VCP: variants seen among roughly 807,000 people sequenced by gnomAD.
VCP encodes valosin containing protein.
A neutral mutation model predicts 85.7 loss-of-function variants in VCP; 6 were observed. The ratio of observed to expected loss-of-function variants is 0.07; its 90% CI spans 0.04 to 0.14. The LOEUF (loss-of-function observed/expected upper bound fraction) is 0.14. VCP is among the 10% of genes least tolerant of loss of function. The pLI is 1.00. For missense variants in VCP, 353 were observed against 1,043.4 expected (o/e 0.34, Z 9.12); for synonymous variants, 384 against 367.1 (o/e 1.05, Z -0.53).
At position 35,059,858 on chromosome 9, in the gene VCP, C is replaced by G. The variant is rs1039785470; in HGVS notation, c.1696-57G>C. ...ACAAAACTAGATGTCTCTAGGCAAACGTGGTGGCTCACACCTGTATTCCCA... is the reference window on the plus strand; with the variant it reads ...ACAAAACTAGATGTCTCTAGGCAAAGGTGGTGGCTCACACCTGTATTCCCA... On this transcript the variant is annotated intron_variant, in intron 13 of 16. Transcript: ENST00000358901. This position sits in a 1 kb window ranked among gnomAD's most constrained non-coding sequence, Gnocchi z 4.9. 6.2e-7 allele frequency: 1 copy of G among 1,610,056 alleles called. No homozygotes were observed. The highest frequency in any genetic ancestry group is 8.5e-7 in the Non-Finnish European group (1 of 1,177,160).
In VCP at chr9:35,062,375, A is replaced by G. The variant is rs370027274; in HGVS notation, c.812-25T>C. The G allele has an allele frequency of 1.2e-5, 19 of 1,613,946 alleles. No homozygotes were observed. The Admixed American group carries it at 1.5e-4, about 13-fold the overall frequency. On this transcript the variant is annotated intron_variant, in intron 7 of 16. Transcript: ENST00000358901. ...CCTGAAAGGATACAGAATGGAGACA[A>G]TAACAAAATGATAGTCTTTCCCAAT...
At chr9:35,057,790 A>G in intron 15 of VCP, 1 of 543,414 alleles carries the variant, frequency 1.8e-6, no homozygotes, top group Non-Finnish European at 3.3e-6. Flanking sequence ...TGAAGTGGCT[A>G]AGGAAACTTT....
chr9:35,061,025 T>C lies in VCP; in HGVS notation c.1349A>G (p.Asp450Gly). 1 of 1,614,100 alleles carries C rather than the reference T, an allele frequency of 6.2e-7. No homozygotes were observed. Among genetic ancestry groups the C allele is most frequent in the Non-Finnish European group, 8.5e-7 (1 of 1,180,028 alleles). Residue 450 changes from aspartate to glycine, a missense_variant, in exon 11 of 17, where the codon GAT becomes GGT. Asp to Gly is a moderately conservative substitution (Grantham distance 94). Coordinates refer to ENST00000358901, the MANE Select transcript of VCP (RefSeq NM_007126.5). Reference protein sequence around the residue: ...EVMNSLAVTMDDFRWALSQSN... With the variant: ...EVMNSLAVTMGDFRWALSQSN... Reference sequence around the variant, plus strand: ...GGGTGTGGTCCTTACCCGGAAGTCATCCATAGTAACTGCTAGAGAGTTCAT... The same window carrying C: ...GGGTGTGGTCCTTACCCGGAAGTCACCCATAGTAACTGCTAGAGAGTTCAT...
chr9:35,071,100 T>C (rs1053244194), intron 1 of VCP, among the ~76,000 whole-genome samples: 1 of 152,150 alleles, frequency 6.6e-6, no homozygotes, highest in Non-Finnish European at 1.5e-5. Context: ...ATTTTAGATT[T>C]TTACTTTTGA....
chr9:35,068,214 T>C (rs929210073), intron 2 of VCP, 37 bp downstream of exon 2: 12 of 1,608,356 alleles, frequency 7.5e-6, no homozygotes, highest in Non-Finnish European at 9.4e-6. Context: ...CTCAAGTAAG[T>C]GCAGTAAGGA....
intron 3 of VCP, among the ~76,000 whole-genome samples, chr9:35,067,438 G>T (rs924599585): frequency 2.0e-5 from 3 of 152,028 alleles, no homozygotes; most frequent in Non-Finnish European, 2.9e-5. Flanking sequence ...TCTCTCCCGG[G>T]TTAACTTAGG....
rs1442860386 is a variant in VCP, at chr9:35,072,599, G to C, written c.-246C>G. 1 of 479,604 alleles carries C rather than the reference G, an allele frequency of 2.1e-6. No homozygotes were observed. The highest frequency in any genetic ancestry group is 3.6e-6 in the Non-Finnish European group (1 of 275,546). 29.7% of individuals were successfully genotyped at this position (479,604 alleles called of 1,614,324 possible). A position where few individuals can be genotyped will look rare whatever the true frequency, so the allele number is the denominator to read the frequency against. ...CGGCAGCGGCAGCGACGACTCAAAC[G>C]ACGGTCGCAGACGCTTCGCTGAGAC... On this transcript the variant is annotated 5_prime_UTR_variant, in exon 1 of 17. Transcript: ENST00000358901.
chr9:35,072,434 G>T lies in VCP; in HGVS notation c.-81C>A. The T allele has an allele frequency of 7.1e-7, 1 of 1,408,934 alleles. No homozygotes were observed. The highest frequency in any genetic ancestry group is 1.5e-5 in the South Asian group (1 of 67,824). The allele number at this position is 1,408,934 out of a possible 1,614,324, so 87.3% of individuals were successfully genotyped here. A position where few individuals can be genotyped will look rare whatever the true frequency, so the allele number is the denominator to read the frequency against. On this transcript the variant is annotated 5_prime_UTR_variant, in exon 1 of 17. Transcript: ENST00000358901. Reference sequence around the variant, plus strand: ...CGGTGGCAAGCGACCGACTGGGCCGGGGCTCGGCTCTTCCAGGCGGTGGGC... The same window carrying T: ...CGGTGGCAAGCGACCGACTGGGCCGTGGCTCGGCTCTTCCAGGCGGTGGGC...
Position 35,057,408 on chromosome 9 carries a change from G to A in VCP, c.2283C>T (p.Thr761=), listed in dbSNP as rs758596783. The change falls in exon 16 of 17, where the codon ACC becomes ACT. Residue 761 remains threonine (T), a synonymous_variant. Coordinates refer to ENST00000358901, the MANE Select transcript of VCP (RefSeq NM_007126.5). ...DIRKYEMFAQ[T]LQQSRGFGSF... is the part of the protein sequence containing the mutation. ...TGCCAAAGCCCCGACTCTGCTGAAGGGTCTGGGCAAACATCTCATACTTCC... is the reference window on the plus strand; with the variant it reads ...TGCCAAAGCCCCGACTCTGCTGAAGAGTCTGGGCAAACATCTCATACTTCC... 4 of 1,614,262 alleles carry A rather than the reference G, an allele frequency of 2.5e-6. No homozygotes were observed. In the Admixed American group the frequency reaches 5.0e-5, roughly 20 times the overall value.
intron 1 of VCP, 61 bp downstream of exon 1, chr9:35,072,276 C>T (rs1828972107): frequency 2.7e-6 from 4 of 1,485,150 alleles, no homozygotes; most frequent in East Asian, 2.9e-5. Context: ...GCCGGGCCTA[C>T]CCTGCGCGGC....
At chr9:35,070,246 G>A (rs1335781247) in intron 1 of VCP, among the ~76,000 whole-genome samples, 2 of 152,114 alleles carry the variant, frequency 1.3e-5, no homozygotes, top group Admixed American at 1.3e-4. Context: ...TGAGTAGGCA[G>A]ACTCTTCCAA....
At position 35,067,786 on chromosome 9, in the gene VCP, G is replaced by A. The variant is rs1048691281; in HGVS notation, c.302+105C>T. 9 of 1,465,908 alleles carry A rather than the reference G, an allele frequency of 6.1e-6. No homozygotes were observed. In the East Asian group the frequency reaches 6.9e-5, roughly 11 times the overall value. 90.8% of individuals were successfully genotyped at this position (1,465,908 alleles called of 1,614,324 possible). ...CCATGACCAGGAGGCTTCCTGCATC[G>A]ACAGGTGCCAAGAACTTGGTCCTGC... On this transcript the variant is annotated intron_variant, in intron 3 of 16. Coordinates refer to ENST00000358901, the MANE Select transcript of VCP (RefSeq NM_007126.5).
chr9:35,057,061 A>C lies in VCP; in HGVS notation c.*56T>G, dbSNP rs1587116856. On this transcript the variant is annotated 3_prime_UTR_variant, in exon 17 of 17. Transcript: ENST00000358901. ...GTCCCTCTCCTGGGCAAGCGCCCCC[A>C]CCCCCAGGGAACAAGGTCCAGGCAG... 2.5e-6 allele frequency: 4 copies of C among 1,585,942 alleles called. No homozygotes were observed. The highest frequency in any genetic ancestry group is 3.5e-6 in the Non-Finnish European group (4 of 1,156,296).
In VCP at chr9:35,059,042, T is replaced by C. The variant is rs767850418; in HGVS notation, c.2160+22A>G. On this transcript the variant is annotated intron_variant, in intron 15 of 16. Transcript: ENST00000358901. This position sits in a 1 kb window ranked among gnomAD's most constrained non-coding sequence, Gnocchi z 4.9. ...CCTGGCTCTCCATGATTGGCACATC[T>C]GGGGAAAGGATGCAGACTCACCATG... 6.2e-7 allele frequency: 1 copy of C among 1,613,480 alleles called. No homozygotes were observed. The highest frequency in any genetic ancestry group is 8.5e-7 in the Non-Finnish European group (1 of 1,179,998).
At position 35,060,824 on chromosome 9, in the gene VCP, G is replaced by A. The variant is rs752765916; in HGVS notation, c.1459C>T (p.Arg487Cys). ...EDIGGLEDVK[R>C]ELQELVQYPV... ...ACCTGGACCAGCTCCTGTAGCTCAC[G>A]TTTGACATCCTCTAGGCCCCCGATG... is the stretch of plus-strand genomic sequence containing the variant. The change falls in exon 12 of 17, where the codon CGT (arginine) becomes TGT (cysteine). Residue 487 changes from arginine (R) to cysteine (C), a missense_variant. Coordinates refer to ENST00000358901, the MANE Select transcript of VCP (RefSeq NM_007126.5). 10 of 1,614,016 alleles carry A rather than the reference G, an allele frequency of 6.2e-6. No individual in the cohort carries two copies. Among genetic ancestry groups the A allele is most frequent in the Admixed American group, 5.0e-5 (3 of 59,998 alleles).
Position 35,059,454 on chromosome 9 carries a change from C to CG in VCP, c.2004+38_2004+39insC. On this transcript the variant is annotated intron_variant, in intron 14 of 16. Transcript: ENST00000358901. The surrounding 1 kb of genome is among the most constrained non-coding windows in gnomAD (Gnocchi z 4.9). ...AGAGCACTCCGTACCAGCCTGAGGA[C>CG]TCATGCAAGTCTCCCACAGCCCATG... The CG allele has an allele frequency of 1.2e-6, 2 of 1,611,492 alleles. No homozygotes were observed. The highest frequency in any genetic ancestry group is 1.7e-6 in the Non-Finnish European group (2 of 1,179,104).
intron 1 of VCP, among the ~76,000 whole-genome samples, chr9:35,071,411 A>G (rs2131045396): frequency 6.7e-6 from 1 of 149,194 alleles, no homozygotes; most frequent in Admixed American, 6.8e-5. Flanking sequence ...TGGGGTCAGA[A>G]AGCCCCAGAG....
Position 35,072,503 on chromosome 9 carries a change from T to A in VCP, c.-150A>T. ...CGCAAGCGGCTTCCCTCTCGCTTCCTCCCACCGGCAGCGAGGCGTCGGGCG... is the reference window on the plus strand; with the variant it reads ...CGCAAGCGGCTTCCCTCTCGCTTCCACCCACCGGCAGCGAGGCGTCGGGCG... On this transcript the variant is annotated 5_prime_UTR_variant, in exon 1 of 17. Transcript: ENST00000358901. 1.9e-6 allele frequency: 2 copies of A among 1,029,816 alleles called. No individual in the cohort carries two copies. Among genetic ancestry groups the A allele is most frequent in the Non-Finnish European group, 2.6e-6 (2 of 771,272 alleles). The allele number at this position is 1,029,816 out of a possible 1,614,324, so 63.8% of individuals were successfully genotyped here.
Position 35,072,561 on chromosome 9 carries a change from G to C in VCP, c.-208C>G. The C allele has an allele frequency of 1.8e-6, 1 of 548,740 alleles. No individual in the cohort carries two copies. The highest frequency in any genetic ancestry group is 3.0e-6 in the Non-Finnish European group (1 of 337,740). The allele number at this position is 548,740 out of a possible 1,614,324, so 34.0% of individuals were successfully genotyped here. A position where few individuals can be genotyped will look rare whatever the true frequency, so the allele number is the denominator to read the frequency against. On this transcript the variant is annotated 5_prime_UTR_variant, in exon 1 of 17. Transcript: ENST00000358901. ...CTGGCTCCTGATCCGCGAGGTGGCA[G>C]TGGCAGTGGCAGCGGCAGCGGCAGC...
Sources: allele counts gnomAD v4.1 joint callset (sites outside exome capture counted in the v4.1 genomes callset), GRCh38; gene constraint gnomAD v4.1.1; non-coding constraint Gnocchi (gnomAD v3.1); transcripts MANE v1.5; gene names NCBI Gene and HGNC (gene_info 2026-07-23, HGNC 2026-07-21).